PPP1R3A: variants seen among roughly 807,000 people sequenced by gnomAD.
PPP1R3A encodes the protein RG1.
Under a neutral mutation model 41.7 loss-of-function variants are expected in PPP1R3A, and 29 were observed. The ratio of observed to expected loss-of-function variants is 0.70; its 90% CI spans 0.52 to 0.95. The LOEUF (loss-of-function observed/expected upper bound fraction) is 0.95, where lower values mean the gene tolerates loss of function less well. Among genes scored for constraint, PPP1R3A ranks in the 40% least tolerant of loss-of-function variants. The probability of loss-of-function intolerance (pLI) is 0.00; values close to 1 mark genes in which losing one functional copy is unlikely to be tolerated. For missense variants in PPP1R3A, 1,352 were observed against 1,292.4 expected (o/e 1.05, Z -0.71); for synonymous variants, 485 against 453.4 (o/e 1.07, Z -0.89).
At chr7:113,880,225 T>C in intron 3 of PPP1R3A, 100 bp from the exon 4 acceptor site, 1 of 1,083,686 alleles carries the variant, frequency 9.2e-7, no homozygotes, top group South Asian at 1.6e-5. Flanking sequence ...AATTATCTGG[T>C]AGATTTCTTT....
rs373276202 is a variant in PPP1R3A at position 113,877,250 on chromosome 7, A to ATAC, written c.*472_*473insGTA. On this transcript the variant is annotated 3_prime_UTR_variant, in exon 4 of 4. Coordinates refer to ENST00000284601, the MANE Select transcript of PPP1R3A (RefSeq NM_002711.4). ...AAATATTTGATCAATGAATCCTGATAAATGATAAATTGAACAAATTTCATG... is the reference window on the plus strand; with the variant it reads ...AAATATTTGATCAATGAATCCTGATATACAATGATAAATTGAACAAATTTCATG... The ATAC allele has an allele frequency of 1.1e-5, 1 of 90,672 alleles. No individual in the cohort carries two copies. Among genetic ancestry groups the ATAC allele is most frequent in the South Asian group, 4.6e-4 (1 of 2,158 alleles). The allele number at this position is 90,672 out of a possible 1,614,324, so 5.6% of individuals were successfully genotyped here.
In PPP1R3A at chr7:113,878,380, T is replaced by C; in HGVS notation, c.2712A>G (p.Ser904=). ...TATTCTGAGGAGCTCTATTAGTGTCTGAGTTAAAAGCAGAATGCACAATGG... is the reference window on the plus strand; with the variant it reads ...TATTCTGAGGAGCTCTATTAGTGTCCGAGTTAAAAGCAGAATGCACAATGG... ...SDAIVHSAFN[S]DTNRAPQNSS... Residue 904 remains serine, a synonymous_variant, in exon 4 of 4, where the codon TCA becomes TCG. Transcript: ENST00000284601. 1.9e-6 allele frequency: 3 copies of C among 1,612,102 alleles called. No individual in the cohort carries two copies. The highest frequency in any genetic ancestry group is 2.2e-5 in the South Asian group (2 of 91,068).
At chr7:113,901,039 G>A in intron 1 of PPP1R3A, among the ~76,000 whole-genome samples, 1 of 151,420 alleles carries the variant, frequency 6.6e-6, no homozygotes, top group East Asian at 2.0e-4. Flanking sequence ...GTACTTCAGT[G>A]GGAAAAGACG....
chr7:113,894,541 T>C (rs1405248917), intron 1 of PPP1R3A, among the ~76,000 whole-genome samples: 2 of 151,930 alleles, frequency 1.3e-5, no homozygotes, highest in Non-Finnish European at 2.9e-5. Context: ...CACAATTCTG[T>C]CTCCACAATT....
chr7:113,878,571 T>A lies in PPP1R3A; in HGVS notation c.2521A>T (p.Asn841Tyr). 1 of 1,613,656 alleles carries A rather than the reference T, an allele frequency of 6.2e-7. No homozygotes were observed. Among genetic ancestry groups the A allele is most frequent in the Non-Finnish European group, 8.5e-7 (1 of 1,179,732 alleles). Residue 841 changes from asparagine to tyrosine, a missense_variant, in exon 4 of 4, where the codon AAT becomes TAT. By Grantham distance (143) the Asn-to-Tyr change is moderately radical (BLOSUM62 -2). Coordinates refer to ENST00000284601, the MANE Select transcript of PPP1R3A (RefSeq NM_002711.4). ...GAGGATTCTTCCACAGATGTTATAT[T>A]TCCAGTGCCACATTTCTCCCTGTCA... ...THDREKCGTGNITSVEESSWV... is the reference protein window; with the variant it reads ...THDREKCGTGYITSVEESSWV...
intron 1 of PPP1R3A, among the ~76,000 whole-genome samples, chr7:113,899,219 AC>A (rs1182275292): frequency 6.6e-6 from 1 of 151,734 alleles, no homozygotes; most frequent in East Asian, 2.0e-4. Flanking sequence ...TTCATGATGT[AC>A]CCCACTTACT....
intron 3 of PPP1R3A, among the ~76,000 whole-genome samples, 187 bp downstream of exon 3, chr7:113,881,852 A>T (rs559320271): frequency 6.6e-6 from 1 of 152,198 alleles, no homozygotes; most frequent in South Asian, 2.1e-4. Context: ...ACCACTGCAG[A>T]GACCAGAAGC....
intron 1 of PPP1R3A, 23 bp from the exon 2 acceptor site, chr7:113,882,343 TTA>T (rs764929946): frequency 5.1e-6 from 7 of 1,367,414 alleles, no homozygotes; most frequent in Non-Finnish European, 5.2e-6. Context: ...AAAGAAAATG[TTA>T]TATGTTTTTC....
intron 1 of PPP1R3A, among the ~76,000 whole-genome samples, chr7:113,888,905 AC>A (rs1796832975): frequency 6.6e-6 from 1 of 152,184 alleles, no homozygotes; most frequent in African/African-American, 2.4e-5. Context: ...GGAACTTTAA[AC>A]ATCTCAGCTG....
intron 1 of PPP1R3A, among the ~76,000 whole-genome samples, chr7:113,888,223 T>G (rs1245826832): frequency 1.3e-5 from 2 of 151,750 alleles, no homozygotes; most frequent in East Asian, 3.9e-4. Flanking sequence ...GGCATGGGGT[T>G]TAGGGCTAAA....
At position 113,912,444 on chromosome 7, in the gene PPP1R3A, A is replaced by G. The variant is rs2129120868; in HGVS notation, c.782+5771T>C. 1.3e-5 allele frequency among the ~76,000 whole-genome samples: 2 copies of G among 152,194 alleles called. 1 individual carries two copies. The highest frequency in any genetic ancestry group is 4.2e-4 in the South Asian group (2 of 4,812). Reference sequence around the variant, plus strand: ...CACACACACATATATATATACACAAACACATATATGTAAATTTTAGGCAAG... The same window carrying G: ...CACACACACATATATATATACACAAGCACATATATGTAAATTTTAGGCAAG... On this transcript the variant is annotated intron_variant, in intron 1 of 3. Coordinates refer to ENST00000284601, the MANE Select transcript of PPP1R3A (RefSeq NM_002711.4).
At chr7:113,895,113 T>G (rs1796956839) in intron 1 of PPP1R3A, among the ~76,000 whole-genome samples, 1 of 151,954 alleles carries the variant, frequency 6.6e-6, no homozygotes, top group Non-Finnish European at 1.5e-5. Context: ...CAAGATGGGA[T>G]GTTTTCATGT....
At chr7:113,888,974 T>C (rs1001792015) in intron 1 of PPP1R3A, among the ~76,000 whole-genome samples, 2 of 152,284 alleles carry the variant, frequency 1.3e-5, no homozygotes, top group East Asian at 1.9e-4. Flanking sequence ...AGATCTCAAA[T>C]ATAACAATAG....
chr7:113,898,612 G>C lies in PPP1R3A; in HGVS notation c.783-16292C>G, dbSNP rs149607272. Among the ~76,000 whole-genome samples the C allele has an allele frequency of 5.8e-3, 883 of 151,834 alleles. 6 individuals carry two copies. Among genetic ancestry groups the C allele is most frequent in the Non-Finnish European group, 7.7e-3 (519 of 67,812 alleles). Reference sequence around the variant, plus strand: ...ATGTTATTGACTAGGCCTCAACCCTGGCCTACACAAACTACAGCCTCTCAA... The same window carrying C: ...ATGTTATTGACTAGGCCTCAACCCTCGCCTACACAAACTACAGCCTCTCAA... On this transcript the variant is annotated intron_variant, in intron 1 of 3. Coordinates refer to ENST00000284601, the MANE Select transcript of PPP1R3A (RefSeq NM_002711.4).
At chr7:113,887,074 G>T (rs1796796735) in intron 1 of PPP1R3A, among the ~76,000 whole-genome samples, 1 of 151,990 alleles carries the variant, frequency 6.6e-6, no homozygotes, top group Non-Finnish European at 1.5e-5. Context: ...ACATTACTAT[G>T]ACAGTGTTCT....
Position 113,877,151 on chromosome 7 carries a change from A to C in PPP1R3A, c.*572T>G, listed in dbSNP as rs994116885. ...TGTGTGTGCATGCATCAAGTATTAC[A>C]CTCAAGTGAACAGAATATGTTTAAG... On this transcript the variant is annotated 3_prime_UTR_variant, in exon 4 of 4. Coordinates refer to ENST00000284601, the MANE Select transcript of PPP1R3A (RefSeq NM_002711.4). The C allele has an allele frequency of 1.3e-5, 2 of 151,914 alleles. No homozygotes were observed. Among genetic ancestry groups the C allele is most frequent in the African/African-American group, 2.4e-5 (1 of 41,370 alleles). 9.4% of individuals were successfully genotyped at this position (151,914 alleles called of 1,614,324 possible). A position where few individuals can be genotyped will look rare whatever the true frequency, so the allele number is the denominator to read the frequency against.
At chr7:113,909,002 AAG>A (rs750894798) in intron 1 of PPP1R3A, among the ~76,000 whole-genome samples, 6 of 151,900 alleles carry the variant, frequency 3.9e-5, no homozygotes, top group Admixed American at 6.6e-5. Flanking sequence ...TATGAAGAGA[AAG>A]AGGGGAGCAA....
chr7:113,917,920 T>C (rs551915820), intron 1 of PPP1R3A, among the ~76,000 whole-genome samples: 5 of 152,232 alleles, frequency 3.3e-5, no homozygotes, highest in Non-Finnish European at 5.9e-5. Flanking sequence ...GTGAATAATC[T>C]AGATTTCATG....
intron 1 of PPP1R3A, among the ~76,000 whole-genome samples, chr7:113,899,540 T>C (rs1329947384): frequency 6.6e-6 from 1 of 151,894 alleles, no homozygotes; most frequent in Non-Finnish European, 1.5e-5. Context: ...TTACTAATTT[T>C]TGTTTAAATA....
Sources: allele counts gnomAD v4.1 joint callset (sites outside exome capture counted in the v4.1 genomes callset), GRCh38; gene constraint gnomAD v4.1.1; transcripts MANE v1.5; gene names NCBI Gene and HGNC (gene_info 2026-07-23, HGNC 2026-07-21).